Variants in NCK2 observed in about 807,000 individuals in gnomAD.
NCK2 encodes the protein NCK adaptor protein 2, also known as cytoplasmic protein NCK2.
A neutral mutation model predicts 33.9 loss-of-function variants in NCK2; 16 were observed. The observed-to-expected ratio is 0.47, with a 90% confidence interval of 0.32 to 0.72. The LOEUF (loss-of-function observed/expected upper bound fraction) is 0.72. NCK2 is among the 30% of genes least tolerant of loss of function. The pLI is 0.03. For synonymous variants in NCK2, 273 were observed against 239.9 expected (o/e 1.14, Z -1.27); for missense variants, 418 against 537.3 (o/e 0.78, Z 2.19).
intron 1 of NCK2, among the ~76,000 whole-genome samples, chr2:105,753,669 T>C (rs1558821444): frequency 6.6e-6 from 1 of 152,194 alleles, no homozygotes; most frequent in Non-Finnish European, 1.5e-5. Context: ...CCCCGGACTT[T>C]TGTGCTGTTG....
chr2:105,869,270 C>G (rs1258252031), intron 3 of NCK2, among the ~76,000 whole-genome samples: 1 of 152,080 alleles, frequency 6.6e-6, no homozygotes, highest in Non-Finnish European at 1.5e-5. Context: ...TGCATGTGTC[C>G]CTAGCCATAA....
At chr2:105,785,040 G>A (rs894535055) in intron 1 of NCK2, among the ~76,000 whole-genome samples, 1 of 152,110 alleles carries the variant, frequency 6.6e-6, no homozygotes, top group Admixed American at 6.5e-5. Flanking sequence ...GTGCAGTGGC[G>A]CGATCTCAGC....
rs1159685839 is a variant in NCK2 at position 105,774,841 on chromosome 2, G to A, written c.-201+29703G>A. On this transcript the variant is annotated intron_variant, in intron 1 of 4. Transcript: ENST00000233154. The stretch of plus-strand genomic sequence containing the variant: ...AGCCACTTTTCTTTTTGAGTTATGT[G>A]TTGAAAGAAATGTGGCTTAATGAGC... Among the ~76,000 whole-genome samples, 5 of 152,208 alleles carry A rather than the reference G, an allele frequency of 3.3e-5. No individual in the cohort carries two copies. In the East Asian group the frequency reaches 9.6e-4, roughly 29 times the overall value.
intron 3 of NCK2, chr2:105,855,569 A>AATGATACG: frequency 3.5e-6 from 1 of 289,756 alleles, no homozygotes. Context: ...ACGTTAGAGG[A>AATGATACG]GCCTGACTTG....
At chr2:105,832,562 T>C (rs951736907) in intron 2 of NCK2, among the ~76,000 whole-genome samples, 1 of 152,200 alleles carries the variant, frequency 6.6e-6, no homozygotes, top group African/African-American at 2.4e-5. Flanking sequence ...GATCATATGG[T>C]TTTTGTTCTT....
chr2:105,745,789 C>T (rs1460863452), intron 1 of NCK2: 1 of 152,272 alleles, frequency 6.6e-6, no homozygotes, highest in Non-Finnish European at 1.5e-5. Context: ...AGGACTCTAA[C>T]AGCCACCTGA....
At chr2:105,860,243 A>C (rs1677464986) in intron 3 of NCK2, among the ~76,000 whole-genome samples, 1 of 152,174 alleles carries the variant, frequency 6.6e-6, no homozygotes, top group East Asian at 1.9e-4. Context: ...CAGTGATTGC[A>C]ACACTGCACT....
At chr2:105,829,850 C>T (rs954052045) in intron 2 of NCK2, among the ~76,000 whole-genome samples, 6 of 152,182 alleles carry the variant, frequency 3.9e-5, no homozygotes, top group Non-Finnish European at 7.3e-5. Flanking sequence ...GGAGTGTCTA[C>T]GTAAGTTATT....
intron 1 of NCK2, among the ~76,000 whole-genome samples, chr2:105,788,327 T>C (rs1309261101): frequency 1.3e-5 from 2 of 152,210 alleles, no homozygotes; most frequent in East Asian, 3.8e-4. Flanking sequence ...TAAAAGTAGG[T>C]TAAAAGGAGA....
intron 1 of NCK2, among the ~76,000 whole-genome samples, chr2:105,776,694 C>T (rs564367063): frequency 1.5e-4 from 23 of 152,310 alleles, no homozygotes; most frequent in Admixed American, 5.9e-4. Flanking sequence ...CTCGTTTTAG[C>T]TCAGCCATCC....
At chr2:105,810,274 G>T (rs1573618939) in intron 1 of NCK2, among the ~76,000 whole-genome samples, 1 of 151,966 alleles carries the variant, frequency 6.6e-6, no homozygotes, top group South Asian at 2.1e-4. Context: ...TCACCTTCTG[G>T]CCCGCTTCTT....
At chr2:105,871,599 A>G (rs13002184) in intron 3 of NCK2, among the ~76,000 whole-genome samples, 82,491 of 151,650 alleles carry the variant, frequency 0.54, 23,243 homozygotes, top group South Asian at 0.68. Flanking sequence ...AGGTTCAAGC[A>G]ATTCTCCTGC....
chr2:105,846,290 A>G (rs1676852895), intron 2 of NCK2, among the ~76,000 whole-genome samples: 1 of 152,166 alleles, frequency 6.6e-6, no homozygotes. Flanking sequence ...CTAATGAGCT[A>G]TGTTGACTTA....
intron 4 of NCK2, among the ~76,000 whole-genome samples, chr2:105,884,434 G>C (rs1678637711): frequency 6.6e-6 from 1 of 152,140 alleles, no homozygotes; most frequent in South Asian, 2.1e-4. Flanking sequence ...ACTCAGTCAG[G>C]CATCTTTATT....
intron 3 of NCK2, among the ~76,000 whole-genome samples, chr2:105,869,572 C>A (rs191879871): frequency 5.3e-5 from 8 of 152,286 alleles, no homozygotes; most frequent in Non-Finnish European, 8.8e-5. Flanking sequence ...CCTGCGTGTT[C>A]CCCCGTGAAT....
intron 1 of NCK2, among the ~76,000 whole-genome samples, chr2:105,785,041 C>T (rs1013419356): frequency 1.3e-5 from 2 of 152,170 alleles, no homozygotes; most frequent in Admixed American, 6.5e-5. Flanking sequence ...TGCAGTGGCG[C>T]GATCTCAGCT....
At chr2:105,776,119 A>G (rs1202902012) in intron 1 of NCK2, among the ~76,000 whole-genome samples, 1 of 152,152 alleles carries the variant, frequency 6.6e-6, no homozygotes, top group African/African-American at 2.4e-5. Flanking sequence ...GGTGCGGAGC[A>G]GGCCATGCCT....
At chr2:105,807,712 TC>T (rs1035735317) in intron 1 of NCK2, among the ~76,000 whole-genome samples, 3 of 128,744 alleles carry the variant, frequency 2.3e-5, no homozygotes, top group East Asian at 2.5e-4. Flanking sequence ...CTTTTTTCCT[TC>T]CTTCCTTCCT....
At position 105,820,004 on chromosome 2, in the gene NCK2, C is replaced by T. The variant is rs183070307; in HGVS notation, c.-17+3391C>T. ...CCCTGACAGTTTGGGACTGTGCTAACTGCTGTAGTGGAGGTTCTTACAGCC... is the reference window on the plus strand; with the variant it reads ...CCCTGACAGTTTGGGACTGTGCTAATTGCTGTAGTGGAGGTTCTTACAGCC... On this transcript the variant is annotated intron_variant, in intron 2 of 4. Coordinates refer to ENST00000233154, the MANE Select transcript of NCK2 (RefSeq NM_003581.5). Among the ~76,000 whole-genome samples, 20 of 152,320 alleles carry T rather than the reference C, an allele frequency of 1.3e-4. No homozygotes were observed. In the East Asian group the frequency reaches 3.7e-3, roughly 28 times the overall value.
Sources: allele counts gnomAD v4.1 joint callset (sites outside exome capture counted in the v4.1 genomes callset), GRCh38; gene constraint gnomAD v4.1.1; transcripts MANE v1.5; gene names NCBI Gene and HGNC (gene_info 2026-07-23, HGNC 2026-07-21).